The following ARB2A variants were observed in gnomAD, a reference collection of about 807,000 sequenced individuals.
ARB2A encodes cotranscriptional regulator ARB2A.
the ARB2A span, among the ~76,000 whole-genome samples, chr5:93,831,783 T>C: frequency 1.2e-4 from 19 of 152,288 alleles, no homozygotes; most frequent in African/African-American, 4.3e-4. Flanking sequence ...TATTACAGCT[T>C]AGTCTTTTCC....
At chr5:94,042,697 A>G in the ARB2A span, among the ~76,000 whole-genome samples, 1 of 152,200 alleles carries the variant, frequency 6.6e-6, no homozygotes, top group Non-Finnish European at 1.5e-5. Flanking sequence ...TTGGGTAGAT[A>G]TGTCTATAAG....
At chr5:93,769,300 C>G in the ARB2A span, among the ~76,000 whole-genome samples, 2 of 152,166 alleles carry the variant, frequency 1.3e-5, no homozygotes, top group Non-Finnish European at 2.9e-5. Context: ...ATTGAATATA[C>G]AGCCTGAAGA....
At chr5:93,883,496 T>C in the ARB2A span, among the ~76,000 whole-genome samples, 1 of 151,648 alleles carries the variant, frequency 6.6e-6, no homozygotes, top group African/African-American at 2.4e-5. Context: ...CTAATCTGTA[T>C]AGCTATTCAA....
the ARB2A span, among the ~76,000 whole-genome samples, chr5:93,945,051 ACT>A: frequency 1.3e-5 from 2 of 152,144 alleles, no homozygotes; most frequent in Non-Finnish European, 2.9e-5. Flanking sequence ...CAGTTACCCC[ACT>A]CTCTAAAAAA....
chr5:93,871,833 A>C, the ARB2A span, among the ~76,000 whole-genome samples: 1 of 152,090 alleles, frequency 6.6e-6, no homozygotes, highest in East Asian at 1.9e-4. Flanking sequence ...CAAAAACCCC[A>C]CAGTGACCTT....
At chr5:94,022,497 C>T in the ARB2A span, among the ~76,000 whole-genome samples, 1 of 152,188 alleles carries the variant, frequency 6.6e-6, no homozygotes, top group Non-Finnish European at 1.5e-5. Context: ...CCCTAGGAGG[C>T]TGTCATGGGT....
the ARB2A span, among the ~76,000 whole-genome samples, chr5:94,109,033 T>C: frequency 6.6e-6 from 1 of 152,176 alleles, no homozygotes; most frequent in South Asian, 2.1e-4. Context: ...CAAGCATCCA[T>C]GGATGAATGA....
chr5:93,841,107 T>C, the ARB2A span, among the ~76,000 whole-genome samples: 11 of 152,168 alleles, frequency 7.2e-5, no homozygotes, highest in Non-Finnish European at 1.0e-4. Flanking sequence ...TCTTTTCTTT[T>C]AGTGTAATAT....
the ARB2A span, among the ~76,000 whole-genome samples, chr5:93,730,018 G>C: frequency 6.6e-6 from 1 of 152,094 alleles, no homozygotes; most frequent in African/African-American, 2.4e-5. Flanking sequence ...TTCACATGGT[G>C]TATATATGTG....
At chr5:93,875,435 T>C in the ARB2A span, among the ~76,000 whole-genome samples, 1 of 152,166 alleles carries the variant, frequency 6.6e-6, no homozygotes, top group African/African-American at 2.4e-5. Flanking sequence ...TTTCACCATG[T>C]TGGCCAGGCT....
At chr5:94,016,480 GT>G in the ARB2A span, among the ~76,000 whole-genome samples, 1 of 152,190 alleles carries the variant, frequency 6.6e-6, no homozygotes, top group African/African-American at 2.4e-5. Flanking sequence ...CGTGATGGGT[GT>G]TTAGTCTCAT....
the ARB2A span, chr5:93,734,301 G>A: frequency 1.3e-5 from 2 of 152,142 alleles, no homozygotes; most frequent in East Asian, 1.9e-4. Flanking sequence ...CTGAGCTGGT[G>A]ATATCTAGAA....
chr5:93,721,445 C>A, the ARB2A span, among the ~76,000 whole-genome samples: 1 of 152,082 alleles, frequency 6.6e-6, no homozygotes, highest in Non-Finnish European at 1.5e-5. Flanking sequence ...TTAGTCTGCT[C>A]TTTTTTTAAA....
chr5:93,677,223 T>C, the ARB2A span, among the ~76,000 whole-genome samples: 4 of 152,250 alleles, frequency 2.6e-5, no homozygotes, highest in East Asian at 5.8e-4. Context: ...GTTTGAAAAG[T>C]GGTTTTTGGA....
chr5:93,812,389 G>A, the ARB2A span, among the ~76,000 whole-genome samples: 1 of 152,102 alleles, frequency 6.6e-6, no homozygotes, highest in Non-Finnish European at 1.5e-5. Context: ...GGCATCATTT[G>A]ATGGAGAAAG....
chr5:94,008,422 G>A, the ARB2A span, among the ~76,000 whole-genome samples: 1 of 152,146 alleles, frequency 6.6e-6, no homozygotes, highest in Non-Finnish European at 1.5e-5. Context: ...TAGGTCTGTG[G>A]TGAGGCCTGA....
chr5:93,743,657 A>G, the ARB2A span: 14 of 532,258 alleles, frequency 2.6e-5, no homozygotes, highest in Non-Finnish European at 3.4e-5. Context: ...TACTGAAAAC[A>G]GCCATTTTCT....
chr5:93,890,275 C>T, the ARB2A span, among the ~76,000 whole-genome samples: 407 of 151,470 alleles, frequency 2.7e-3, 2 homozygotes, highest in Non-Finnish European at 4.2e-3. Context: ...AACTAGCTTC[C>T]TAATGATCAT....
chr5:93,666,342 G>T, the ARB2A span, among the ~76,000 whole-genome samples: 1 of 152,090 alleles, frequency 6.6e-6, no homozygotes, highest in Non-Finnish European at 1.5e-5. Flanking sequence ...GAATTGGTCA[G>T]GATGATTTTT....
Sources: gnomAD v4.1 joint callset for allele counts (sites outside exome capture counted in the v4.1 genomes callset) on GRCh38, gnomAD v4.1.1 for gene constraint, MANE v1.5 for transcripts, NCBI Gene and HGNC (gene_info 2026-07-23, HGNC 2026-07-21) for gene names.